DENND2B: variants seen among roughly 807,000 people sequenced by gnomAD.
The protein encoded by DENND2B is DENN domain containing 2B.
A neutral mutation model predicts 116.0 loss-of-function variants in DENND2B; 32 were observed. The observed-to-expected ratio is 0.28, with a 90% confidence interval of 0.21 to 0.37. The LOEUF (loss-of-function observed/expected upper bound fraction) is 0.37, where lower values mean the gene tolerates loss of function less well. DENND2B is among the 10% of genes least tolerant of loss of function. The probability of loss-of-function intolerance (pLI) is 1.00; values close to 1 mark genes in which losing one functional copy is unlikely to be tolerated. For missense variants in DENND2B, 1,276 were observed against 1,477.7 expected, an observed-to-expected ratio of 0.86 and a Z score of 2.24; for synonymous variants, 588 against 583.9, an observed-to-expected ratio of 1.01 and a Z score of -0.10.
At chr11:8,723,172 G>A (rs1023250121) in intron 4 of DENND2B, among the ~76,000 whole-genome samples, 1 of 152,120 alleles carries the variant, frequency 6.6e-6, no homozygotes, top group Non-Finnish European at 1.5e-5. Flanking sequence ...GGAGCACCCA[G>A]TGTGGCTGCT....
intron 11 of DENND2B, 167 bp from the exon 12 acceptor site, chr11:8,708,021 G>A: frequency 2.6e-6 from 4 of 1,525,076 alleles, no homozygotes; most frequent in Non-Finnish European, 3.5e-6. Context: ...TGAAGGAACA[G>A]CCACCACTCT....
At chr11:8,812,737 T>G (rs764618414), upstream of DENND2B, among the ~76,000 whole-genome samples, 14 of 152,184 alleles carry the variant, frequency 9.2e-5, no homozygotes, top group Non-Finnish European at 1.9e-4. Flanking sequence ...GGGCTGGGAC[T>G]GAGCATCGGA....
At chr11:8,835,423 A>C (rs2062381826) in intron 4 of DENND2B, among the ~76,000 whole-genome samples, 2 of 152,218 alleles carry the variant, frequency 1.3e-5, no homozygotes, top group African/African-American at 4.8e-5. Context: ...CTGTCCTTTC[A>C]GAAGTATTCT....
intron 1 of DENND2B, among the ~76,000 whole-genome samples, chr11:8,781,902 G>A (rs1008613469): frequency 6.6e-6 from 1 of 152,156 alleles, no homozygotes; most frequent in African/African-American, 2.4e-5. Flanking sequence ...TACTTAGACT[G>A]GAAAATACTG....
At chr11:8,732,619 C>T (rs1468711313) in intron 2 of DENND2B, among the ~76,000 whole-genome samples, 1 of 147,008 alleles carries the variant, frequency 6.8e-6, no homozygotes, top group East Asian at 2.0e-4. Context: ...CTGGAAGGTG[C>T]TCGGTGAATG....
At chr11:8,736,583 G>A (rs1409391709) in intron 2 of DENND2B, among the ~76,000 whole-genome samples, 3 of 152,148 alleles carry the variant, frequency 2.0e-5, no homozygotes, top group Non-Finnish European at 4.4e-5. Flanking sequence ...ACATAGGGAG[G>A]TCAGGGAAGC....
At chr11:8,775,803 G>T (rs2057546065) in intron 1 of DENND2B, among the ~76,000 whole-genome samples, 2 of 152,092 alleles carry the variant, frequency 1.3e-5, no homozygotes, top group Non-Finnish European at 2.9e-5. Flanking sequence ...ATGGTCTCTG[G>T]TTATACAGAG....
At chr11:8,852,677 G>A (rs1403266743) in intron 3 of DENND2B, among the ~76,000 whole-genome samples, 2 of 152,118 alleles carry the variant, frequency 1.3e-5, no homozygotes, top group South Asian at 2.1e-4. Context: ...TAAAATTTGC[G>A]TACTTTACTG....
intron 1 of DENND2B, among the ~76,000 whole-genome samples, chr11:8,889,967 A>C (rs565643636): frequency 6.5e-4 from 99 of 152,326 alleles, no homozygotes; most frequent in Middle Eastern, 3.4e-3. Context: ...CTGACCCCCG[A>C]GTAGCCTAAC....
At chr11:8,853,192 G>A (rs771297467) in intron 3 of DENND2B, among the ~76,000 whole-genome samples, 32 of 151,946 alleles carry the variant, frequency 2.1e-4, no homozygotes, top group Admixed American at 4.6e-4. Flanking sequence ...GGTAAACCCC[G>A]TCCCTACTAA....
chr11:8,711,314 C>A (rs1448737005), intron 9 of DENND2B, 83 bp from the exon 10 acceptor site: 1 of 1,179,350 alleles, frequency 8.5e-7, no homozygotes, highest in Non-Finnish European at 1.3e-6. Flanking sequence ...CCCCTGAGGG[C>A]CCTAGATGCC....
intron 4 of DENND2B, among the ~76,000 whole-genome samples, chr11:8,828,771 G>A (rs1003812445): frequency 6.6e-6 from 1 of 152,204 alleles, no homozygotes; most frequent in African/African-American, 2.4e-5. Flanking sequence ...ACGCTGCTTT[G>A]CTGCGGTCAT....
chr11:8,827,135 A>G (rs1331304065), intron 4 of DENND2B, among the ~76,000 whole-genome samples: 1 of 152,240 alleles, frequency 6.6e-6, no homozygotes. Flanking sequence ...TTTGCAGGAA[A>G]GAAAGAATTC....
At chr11:8,788,288 G>T (rs999787475) in intron 1 of DENND2B, among the ~76,000 whole-genome samples, 3 of 152,076 alleles carry the variant, frequency 2.0e-5, no homozygotes, top group Non-Finnish European at 4.4e-5. Flanking sequence ...AGGAAGAGGG[G>T]CTCACTGCAT....
rs762792216 is a variant in DENND2B, at chr11:8,697,642, G to T, written c.2941-6C>A. 9 of 1,604,130 alleles carry T rather than the reference G, an allele frequency of 5.6e-6. No homozygotes were observed. Among genetic ancestry groups the T allele is most frequent in the Non-Finnish European group, 5.1e-6 (6 of 1,170,732 alleles). The stretch of plus-strand genomic sequence containing the variant: ...AACGTGTCTTCGTCGTCCATCTGCA[G>T]GAGAAAGAAAGCACAGTGACAATCA... On this transcript the variant is annotated splice_region_variant and splice_polypyrimidine_tract_variant and intron_variant, in intron 16 of 19. Transcript: ENST00000313726.
chr11:8,885,434 T>G (rs1482257079), intron 1 of DENND2B, among the ~76,000 whole-genome samples: 1 of 150,338 alleles, frequency 6.7e-6, no homozygotes, highest in Admixed American at 6.7e-5. Flanking sequence ...TTGCTCACAA[T>G]TAACTGTAGT....
At chr11:8,709,550 C>T (rs2043226748) in intron 11 of DENND2B, among the ~76,000 whole-genome samples, 1 of 152,308 alleles carries the variant, frequency 6.6e-6, no homozygotes, top group East Asian at 1.9e-4. Context: ...CTGCCTGGCT[C>T]ACCACCTGGC....
chr11:8,868,481 T>C (rs925469789), intron 2 of DENND2B, among the ~76,000 whole-genome samples: 2 of 152,220 alleles, frequency 1.3e-5, no homozygotes, highest in Non-Finnish European at 2.9e-5. Context: ...CACTGCTCTT[T>C]GGAGAAGGCA....
chr11:8,714,815 A>G (rs1346649303), intron 6 of DENND2B, 109 bp from the exon 7 acceptor site: 14 of 917,342 alleles, frequency 1.5e-5, no homozygotes, highest in Non-Finnish European at 2.4e-5. Flanking sequence ...AGCTTTCTGC[A>G]TTGCACCCGC....
Sources: allele counts gnomAD v4.1 joint callset (sites outside exome capture counted in the v4.1 genomes callset), GRCh38; gene constraint gnomAD v4.1.1; transcripts MANE v1.5; gene names NCBI Gene and HGNC (gene_info 2026-07-23, HGNC 2026-07-21).